RIMS2: variants seen among roughly 807,000 people sequenced by gnomAD.
RIMS2 encodes regulating synaptic membrane exocytosis protein 2.
RIMS2 carries 59 observed loss-of-function variants against 174.4 expected under a neutral mutation model. That is an observed-to-expected ratio of 0.34 (90% CI 0.27 to 0.42). The LOEUF is 0.42. Among genes scored for constraint, RIMS2 ranks in the 10% least tolerant of loss-of-function variants. The pLI, the probability that RIMS2 is intolerant of heterozygous loss-of-function variation, is 1.00. For synonymous variants in RIMS2, 606 were observed against 572.5 expected, an observed-to-expected ratio of 1.06 and a Z score of -0.84; for missense variants, 1,620 against 1,666.3, an observed-to-expected ratio of 0.97 and a Z score of 0.48.
chr8:103,500,810 C>T (rs1819285041), exon 1 of RIMS2: 10 of 919,546 alleles, frequency 1.1e-5, no homozygotes, highest in Non-Finnish European at 1.5e-5. Flanking sequence ...GGAGGCTGCC[C>T]CAGCCGCCGC....
chr8:103,920,099 A>G (rs6986692), intron 9 of RIMS2, among the ~76,000 whole-genome samples: 38,771 of 152,056 alleles, frequency 0.25, 5,134 homozygotes, highest in African/African-American at 0.3. Flanking sequence ...AAGACCCTAG[A>G]CTATAATTCC....
intron 4 of RIMS2, among the ~76,000 whole-genome samples, chr8:103,886,794 A>G (rs1342271847): frequency 6.6e-6 from 1 of 151,710 alleles, no homozygotes; most frequent in Non-Finnish European, 1.5e-5. Flanking sequence ...ATTTTTTTCA[A>G]GCCATTAGAT....
intron 3 of RIMS2, among the ~76,000 whole-genome samples, chr8:103,789,771 T>TTTTTTTTTG (rs2098479552): frequency 9.9e-6 from 1 of 100,678 alleles, no homozygotes; most frequent in Non-Finnish European, 2.0e-5. Context: ...TTTTTTTTTT[T>TTTTTTTTTG]GAGACAGGGT....
intron 19 of RIMS2, among the ~76,000 whole-genome samples, chr8:104,124,473 AG>A (rs1433805766): frequency 2.0e-5 from 3 of 152,232 alleles, no homozygotes; most frequent in East Asian, 3.9e-4. Flanking sequence ...AGCCTCTACC[AG>A]GGTTCTCAAA....
chr8:103,989,070 C>A (rs1445180224), intron 16 of RIMS2, among the ~76,000 whole-genome samples: 3 of 152,216 alleles, frequency 2.0e-5, no homozygotes, highest in African/African-American at 7.2e-5. Context: ...CATATCCCCA[C>A]TGTTATTAGT....
At chr8:103,676,827 G>T (rs138935693) in intron 1 of RIMS2, among the ~76,000 whole-genome samples, 4 of 151,952 alleles carry the variant, frequency 2.6e-5, no homozygotes, top group Middle Eastern at 3.4e-3. Context: ...TACTAAAAAT[G>T]CAAAAAATTA....
rs368456031 is a variant in RIMS2, at chr8:103,732,384, C to T, written c.388-33843C>T. 8.5e-5 allele frequency among the ~76,000 whole-genome samples: 13 copies of T among 152,308 alleles called. No individual in the cohort carries two copies. The East Asian group carries it at 1.2e-3, about 14-fold the overall frequency. ...GGTCTACACCACTGTGACTGTGCTA[C>T]GTCAGATCCAAAGGCAGCAGAGCCC... On this transcript the variant is annotated intron_variant, in intron 2 of 23. Transcript: ENST00000504942.
intron 19 of RIMS2, chr8:104,068,601 T>G (rs1056011543): frequency 6.5e-7 from 1 of 1,533,308 alleles, no homozygotes; most frequent in Non-Finnish European, 8.8e-7. Context: ...GGAACAAGAT[T>G]ACCATTCGAA....
chr8:104,075,540 T>C (rs2097273066), intron 19 of RIMS2, among the ~76,000 whole-genome samples: 2 of 152,246 alleles, frequency 1.3e-5, no homozygotes, highest in South Asian at 4.1e-4. Context: ...CTTGTACTGA[T>C]GAAGATGTCA....
At chr8:103,500,742 A>AG, upstream of RIMS2, 4 of 522,712 alleles carry the variant, frequency 7.7e-6, no homozygotes, top group South Asian at 1.1e-4. Context: ...TTCTTGGGGG[A>AG]GGGGGGCTGT....
At chr8:104,037,072 C>T (rs2096532855) in intron 19 of RIMS2, among the ~76,000 whole-genome samples, 1 of 152,042 alleles carries the variant, frequency 6.6e-6, no homozygotes, top group Non-Finnish European at 1.5e-5. Context: ...GATTAGTTCA[C>T]ATCATTTGGA....
At chr8:103,787,498 C>G (rs1453065720) in intron 3 of RIMS2, among the ~76,000 whole-genome samples, 2 of 151,244 alleles carry the variant, frequency 1.3e-5, no homozygotes, top group African/African-American at 4.9e-5. Flanking sequence ...ATTTGCTTGT[C>G]TGTAAAGTAT....
Position 103,742,629 on chromosome 8 carries a change from C to T in RIMS2, c.388-23598C>T, listed in dbSNP as rs191260469. ...AGCAATATTAATTTATAAAAGCTCT[C>T]TAAAGCCAGTCTTGATTAACTGCTT... is the stretch of plus-strand genomic sequence containing the variant. On this transcript the variant is annotated intron_variant, in intron 2 of 23. Transcript: ENST00000504942. 5.8e-4 allele frequency among the ~76,000 whole-genome samples: 88 copies of T among 152,268 alleles called. 1 individual carries two copies. The highest frequency in any genetic ancestry group is 3.4e-3 in the Middle Eastern group (1 of 294).
At chr8:103,513,878 G>A (rs1827745942) in intron 1 of RIMS2, among the ~76,000 whole-genome samples, 1 of 151,976 alleles carries the variant, frequency 6.6e-6, no homozygotes, top group Non-Finnish European at 1.5e-5. Context: ...GATCAATATT[G>A]GGGTCTTTAT....
chr8:103,788,475 G>A (rs1206017035), intron 3 of RIMS2, among the ~76,000 whole-genome samples: 1 of 148,568 alleles, frequency 6.7e-6, no homozygotes, highest in Non-Finnish European at 1.5e-5. Context: ...CTGTTTGTTA[G>A]TTTTCCTTCT....
In RIMS2 at chr8:103,996,273, G is replaced by C. The variant is rs115202944; in HGVS notation, c.3044+6852G>C. Reference sequence around the variant, plus strand: ...GTATATTGATTCTATATCAAATTTTGTTTGGAAAAAAAGTGATGTGCTAAA... The same window carrying C: ...GTATATTGATTCTATATCAAATTTTCTTTGGAAAAAAAGTGATGTGCTAAA... On this transcript the variant is annotated intron_variant, in intron 17 of 23. Coordinates refer to ENST00000504942, the Ensembl canonical transcript of RIMS2. 3.8e-3 allele frequency among the ~76,000 whole-genome samples: 579 copies of C among 151,542 alleles called. 4 individuals are homozygous for C. Among genetic ancestry groups the C allele is most frequent in the African/African-American group, 0.013 (556 of 41,392 alleles).
intron 1 of RIMS2, among the ~76,000 whole-genome samples, chr8:103,564,527 C>T (rs1253236343): frequency 6.6e-6 from 1 of 152,154 alleles, no homozygotes; most frequent in Admixed American, 6.5e-5. Flanking sequence ...GACAGTGCAG[C>T]CTTCAGTCTG....
chr8:103,975,673 G>A (rs760503085), intron 16 of RIMS2, 167 bp downstream of exon 18: 3 of 524,584 alleles, frequency 5.7e-6, no homozygotes, highest in Non-Finnish European at 1.0e-5. Flanking sequence ...GCAAGCTGGG[G>A]AAGGGAGAAG....
At chr8:103,630,297 AT>A (rs36087747) in intron 1 of RIMS2, among the ~76,000 whole-genome samples, 27,667 of 152,012 alleles carry the variant, frequency 0.18, 2,768 homozygotes, top group African/African-American at 0.26. Flanking sequence ...AAATGGTTAC[AT>A]TTTTTGAAAT....
Sources: allele counts gnomAD v4.1 joint callset (sites outside exome capture counted in the v4.1 genomes callset), GRCh38; gene constraint gnomAD v4.1.1; transcripts MANE v1.5; gene names NCBI Gene and HGNC (gene_info 2026-07-23, HGNC 2026-07-21).